PHACTR2: variants seen among roughly 807,000 people sequenced by gnomAD.
PHACTR2 encodes chromosome 6 open reading frame 56.
A neutral mutation model predicts 76.0 loss-of-function variants in PHACTR2; 30 were observed. That is an observed-to-expected ratio of 0.39 (90% confidence interval 0.30 to 0.54). The LOEUF is 0.54. PHACTR2 is among the 20% of genes least tolerant of loss of function. The pLI, the probability that PHACTR2 is intolerant of heterozygous loss-of-function variation, is 0.61. For synonymous variants in PHACTR2, 292 were observed against 292.5 expected (o/e 1.00, Z 0.02); for missense variants, 696 against 781.1 (o/e 0.89, Z 1.30).
intron 1 of PHACTR2, among the ~76,000 whole-genome samples, chr6:143,628,924 G>GATATATATAT (rs71024862): frequency 8.8e-5 from 3 of 34,026 alleles, no homozygotes; most frequent in Admixed American, 3.4e-4. Context: ...AAATGCAGGA[G>GATATATATAT]ATATATATAT....
Position 143,668,188 on chromosome 6 carries a change from C to T in PHACTR2, c.14-43828C>T, listed in dbSNP as rs183288374. 2.1e-4 allele frequency among the ~76,000 whole-genome samples: 32 copies of T among 152,192 alleles called. 1 individual carries two copies. Among genetic ancestry groups the T allele is most frequent in the Admixed American group, 1.8e-3 (27 of 15,280 alleles). ...GTGATGGATTACATTTATTGATTTG[C>T]GTATGTTGAACCAGCCTTGCATCCC... On this transcript the variant is annotated intron_variant, in intron 1 of 11. Coordinates refer to the PHACTR2 transcript ENST00000305766.
In PHACTR2 at chr6:143,754,043, A is replaced by G; in HGVS notation, c.454+131A>G. 1 of 484,138 alleles carries G rather than the reference A, an allele frequency of 2.1e-6. No individual in the cohort carries two copies. 30.0% of individuals were successfully genotyped at this position (484,138 alleles called of 1,614,324 possible). On this transcript the variant is annotated intron_variant, in intron 4 of 12. Coordinates refer to ENST00000440869, the MANE Select transcript of PHACTR2 (RefSeq NM_001100164.2). The surrounding 1 kb of genome is among the most constrained non-coding windows in gnomAD (Gnocchi z 6.2). ...GAGAGGTTTACAAATAGAAAAAAGA[A>G]AGAAATGATAACTAGTAAAGTGAAA...
At chr6:143,769,636 A>T (rs575823056) in intron 6 of PHACTR2, among the ~76,000 whole-genome samples, 19 of 152,144 alleles carry the variant, frequency 1.2e-4, no homozygotes, top group Non-Finnish European at 2.1e-4. Context: ...TGTATGCTGG[A>T]CTCTTTGAAA....
At position 143,780,909 on chromosome 6, in the gene PHACTR2, A is replaced by G. The variant is rs1449935906; in HGVS notation, c.1646-2310A>G. Among the ~76,000 whole-genome samples, 1 of 152,222 alleles carries G rather than the reference A, an allele frequency of 6.6e-6. No homozygotes were observed. Among genetic ancestry groups the G allele is most frequent in the Non-Finnish European group, 1.5e-5 (1 of 68,046 alleles). ...TCAAAAAATGAAGGAAGCATACAAA[A>G]AACTTGGTGTATTTTCAAATACTGA... On this transcript the variant is annotated intron_variant, in intron 9 of 12. Coordinates refer to ENST00000440869, the MANE Select transcript of PHACTR2 (RefSeq NM_001100164.2). The surrounding 1 kb of genome is among the most constrained non-coding windows in gnomAD (Gnocchi z 4.4).
Position 143,549,639 on chromosome 6 carries a change from T to C in PHACTR2, c.217+12432T>C, listed in dbSNP as rs1775060999. On this transcript the variant is annotated intron_variant, in intron 1 of 11. Coordinates refer to the PHACTR2 transcript ENST00000367584. This position sits in a 1 kb window ranked among gnomAD's most constrained non-coding sequence, Gnocchi z 4.2. Reference sequence around the variant, plus strand: ...TTCTGGTGCTGAAAAACCTGCCTTGTACATTAAAATCTGTAAGCAAATGTC... The same window carrying C: ...TTCTGGTGCTGAAAAACCTGCCTTGCACATTAAAATCTGTAAGCAAATGTC... 6.6e-6 allele frequency among the ~76,000 whole-genome samples: 1 copy of C among 152,020 alleles called. No homozygotes were observed. The highest frequency in any genetic ancestry group is 1.5e-5 in the Non-Finnish European group (1 of 67,958).
In PHACTR2 at chr6:143,798,306, G is replaced by A. The variant is rs200981497; in HGVS notation, c.1846-8751G>A. On this transcript the variant is annotated intron_variant, in intron 11 of 12. Transcript: ENST00000440869. ...GCTTCAGGAGATTTTGGGCTGAGAC[G>A]ATGGGGTTTTCCAAATATACAGTCA... Among the ~76,000 whole-genome samples, 14 of 152,276 alleles carry A rather than the reference G, an allele frequency of 9.2e-5. No individual in the cohort carries two copies. The East Asian group carries it at 1.5e-3, about 17-fold the overall frequency.
chr6:143,588,766 G>C (rs1000538786), intron 1 of PHACTR2, among the ~76,000 whole-genome samples: 1 of 152,162 alleles, frequency 6.6e-6, no homozygotes, highest in Non-Finnish European at 1.5e-5. Flanking sequence ...AAAGGAACAA[G>C]CCTGTAGAAG....
At chr6:143,590,635 C>G (rs754224235) in intron 1 of PHACTR2, among the ~76,000 whole-genome samples, 2 of 151,896 alleles carry the variant, frequency 1.3e-5, no homozygotes, top group African/African-American at 2.4e-5. Context: ...CCATTCAGTG[C>G]AATTTTTAGG....
chr6:143,572,568 T>C (rs982850256), intron 1 of PHACTR2, among the ~76,000 whole-genome samples: 6 of 152,246 alleles, frequency 3.9e-5, no homozygotes, highest in African/African-American at 1.4e-4. Flanking sequence ...GTTGTTGTTT[T>C]TGAAATGGAG....
intron 1 of PHACTR2, among the ~76,000 whole-genome samples, chr6:143,651,518 G>A (rs1482209274): frequency 6.6e-6 from 1 of 152,174 alleles, no homozygotes; most frequent in Non-Finnish European, 1.5e-5. Flanking sequence ...CCATAAAAAG[G>A]AATGAGATAA....
In PHACTR2 at chr6:143,757,596, CTGGAAAGGCTAGCGT is replaced by C. The variant is rs1282374586; in HGVS notation, c.455-2804_455-2790del. 6.6e-6 allele frequency among the ~76,000 whole-genome samples: 1 copy of C among 152,192 alleles called. No homozygotes were observed. Among genetic ancestry groups the C allele is most frequent in the African/African-American group, 2.4e-5 (1 of 41,442 alleles). ...ACAGCTTGTTTTCCAGACCGCATTG[CTGGAAAGGCTAGCGT>C]CCTTATCAAGCCAGAATGACGAGGC... On this transcript the variant is annotated intron_variant, in intron 4 of 12. Transcript: ENST00000440869. The surrounding 1 kb of genome is among the most constrained non-coding windows in gnomAD (Gnocchi z 4.2).
intron 1 of PHACTR2, among the ~76,000 whole-genome samples, chr6:143,594,122 C>T (rs1287818650): frequency 1.3e-5 from 2 of 152,176 alleles, no homozygotes; most frequent in East Asian, 3.9e-4. Flanking sequence ...TCAATATATA[C>T]AAACTTTGTT....
At chr6:143,790,175 A>C (rs1775647557) in intron 11 of PHACTR2, among the ~76,000 whole-genome samples, 2 of 152,224 alleles carry the variant, frequency 1.3e-5, no homozygotes, top group African/African-American at 2.4e-5. Flanking sequence ...ATGATGAGGC[A>C]GTTGTTCAAC....
Position 143,696,055 on chromosome 6 carries a change from A to G in PHACTR2, c.47-15961A>G, listed in dbSNP as rs1256148451. On this transcript the variant is annotated intron_variant, in intron 1 of 12. Coordinates refer to ENST00000440869, the MANE Select transcript of PHACTR2 (RefSeq NM_001100164.2). The surrounding 1 kb of genome is among the most constrained non-coding windows in gnomAD (Gnocchi z 4.1). ...ATTTTTAAAATTTTTTATTTTTTGC[A>G]GGTGCAAGCATAAAAATAAAAAATT... Among the ~76,000 whole-genome samples the G allele has an allele frequency of 6.6e-6, 1 of 152,200 alleles. No individual in the cohort carries two copies. Among genetic ancestry groups the G allele is most frequent in the Non-Finnish European group, 1.5e-5 (1 of 68,036 alleles).
At chr6:143,694,232 AAAG>A (rs1444800438) in intron 1 of PHACTR2, among the ~76,000 whole-genome samples, 2 of 150,922 alleles carry the variant, frequency 1.3e-5, no homozygotes, top group Non-Finnish European at 3.0e-5. Flanking sequence ...AGGAAGGAAA[AAAG>A]GAAGGAAGGG....
intron 1 of PHACTR2, among the ~76,000 whole-genome samples, chr6:143,702,799 T>TTTTACAAAAAAAA (rs57620507): frequency 8.0e-6 from 1 of 124,288 alleles, no homozygotes; most frequent in African/African-American, 2.9e-5. Flanking sequence ...TTTTTTTTTT[T>TTTTACAAAAAAAA]ACAGAAAATA....
Position 143,619,925 on chromosome 6 carries a change from G to C in PHACTR2, c.13+11603G>C, listed in dbSNP as rs1397745386. ...TTCACAGCGCCGATCATGCTTGCTT[G>C]TGGTACTTACAGAACATGTCACTCG... On this transcript the variant is annotated intron_variant, in intron 1 of 11. Transcript: ENST00000305766. The surrounding 1 kb of genome is among the most constrained non-coding windows in gnomAD (Gnocchi z 4.5). Among the ~76,000 whole-genome samples the C allele has an allele frequency of 6.6e-6, 1 of 151,332 alleles. No individual in the cohort carries two copies. The highest frequency in any genetic ancestry group is 1.5e-5 in the Non-Finnish European group (1 of 67,862).
intron 3 of PHACTR2, among the ~76,000 whole-genome samples, chr6:143,752,997 T>G (rs1215684729): frequency 1.3e-5 from 2 of 152,038 alleles, no homozygotes; most frequent in Non-Finnish European, 2.9e-5. Flanking sequence ...ATGATTTAGA[T>G]CTCTCAACAT....
In PHACTR2 at chr6:143,830,083, GC is replaced by G. The variant is rs777366813; in HGVS notation, c.*6395del. 29 of 152,132 alleles carry G rather than the reference GC, an allele frequency of 1.9e-4. No individual in the cohort carries two copies. Among genetic ancestry groups the G allele is most frequent in the Non-Finnish European group, 3.8e-4 (26 of 68,018 alleles). The allele number at this position is 152,132 out of a possible 1,614,324, so 9.4% of individuals were successfully genotyped here. A position where few individuals can be genotyped will look rare whatever the true frequency, so the allele number is the denominator to read the frequency against. ...CACAATGAGAAGTTGCCACTGCAGGGCTAACTCGCCTTCAGAAATAATCAGA... is the reference window on the plus strand; with the variant it reads ...CACAATGAGAAGTTGCCACTGCAGGGTAACTCGCCTTCAGAAATAATCAGA... On this transcript the variant is annotated 3_prime_UTR_variant, in exon 13 of 13. Coordinates refer to ENST00000440869, the MANE Select transcript of PHACTR2 (RefSeq NM_001100164.2).
Sources: allele counts gnomAD v4.1 joint callset (sites outside exome capture counted in the v4.1 genomes callset), GRCh38; gene constraint gnomAD v4.1.1; non-coding constraint Gnocchi (gnomAD v3.1); transcripts MANE v1.5; gene names NCBI Gene and HGNC (gene_info 2026-07-23, HGNC 2026-07-21).